The following RETREG1 variants were observed in gnomAD, a reference collection of about 807,000 sequenced individuals.
RETREG1 encodes family with sequence similarity 134 member B.
A neutral mutation model predicts 54.8 loss-of-function variants in RETREG1; 44 were observed. The ratio of observed to expected loss-of-function variants is 0.80; its 90% confidence interval spans 0.63 to 1.03. The LOEUF (loss-of-function observed/expected upper bound fraction) is 1.03. Ranked by LOEUF, RETREG1 falls within the 50% of genes least tolerant of loss-of-function variation. The pLI is 0.00. For missense variants in RETREG1, 554 were observed against 605.1 expected, an observed-to-expected ratio of 0.92 and a Z score of 0.89; for synonymous variants, 217 against 238.5, an observed-to-expected ratio of 0.91 and a Z score of 0.83.
At chr5:16,605,786 C>G (rs1743172514) in intron 1 of RETREG1, among the ~76,000 whole-genome samples, 1 of 152,168 alleles carries the variant, frequency 6.6e-6, no homozygotes, top group African/African-American at 2.4e-5. Context: ...TTGCTGTGTC[C>G]TCACATGGTG....
chr5:16,545,442 T>C (rs1016707539), intron 3 of RETREG1, among the ~76,000 whole-genome samples: 1 of 152,116 alleles, frequency 6.6e-6, no homozygotes, highest in East Asian at 1.9e-4. Context: ...TTGGTGTCCT[T>C]GTCTTTGAAA....
At chr5:16,480,842 A>C (rs1179237771) in intron 5 of RETREG1, among the ~76,000 whole-genome samples, 167 bp downstream of exon 5, 1 of 152,080 alleles carries the variant, frequency 6.6e-6, no homozygotes, top group Admixed American at 6.6e-5. Flanking sequence ...TAAAATAGAG[A>C]CATGTCTCTA....
chr5:16,481,148 G>C, intron 4 of RETREG1, 55 bp from the exon 5 acceptor site: 2 of 1,238,002 alleles, frequency 1.6e-6, no homozygotes, highest in Non-Finnish European at 2.4e-6. Context: ...AGATATTTCG[G>C]AGCACAGGAT....
chr5:16,488,350 G>A (rs1010933111), intron 3 of RETREG1, among the ~76,000 whole-genome samples: 3 of 152,202 alleles, frequency 2.0e-5, no homozygotes, highest in African/African-American at 7.2e-5. Flanking sequence ...TGATCACCCA[G>A]CTCGCTGCCT....
In RETREG1 at chr5:16,481,093, A is replaced by T. The variant is rs752124339; in HGVS notation, c.586T>A (p.Phe196Ile). The T allele has an allele frequency of 6.2e-7, 1 of 1,608,036 alleles. No homozygotes were observed. The highest frequency in any genetic ancestry group is 1.7e-5 in the Admixed American group (1 of 59,822). The change falls in exon 5 of 9, where the codon TTT becomes ATT. Residue 196 changes from phenylalanine (F) to isoleucine (I), a missense_variant and splice_region_variant. Physicochemically the swap from Phe to Ile is conservative, Grantham distance 21. Around this residue, in one of 4 missense-constraint regions of RETREG1, gnomAD observed 347 missense variants for 412.3 expected, o/e 0.84. Coordinates refer to ENST00000306320, the MANE Select transcript of RETREG1 (RefSeq NM_001034850.3). ...SLFKQQSPGK[F>I]CLLVCSVCTF... ...CACACACTACAGACCAGGAGACAAA[A>T]CTGGAAATAATAGAAATAACATGGG...
In RETREG1 at chr5:16,549,513, C is replaced by T. The variant is rs16868782; in HGVS notation, c.458+16250G>A. ...CTTGGGATAGTCCTACTTTGACCCC[C>T]TAGATCAGTTTCAGGCCTATTTCTC... On this transcript the variant is annotated intron_variant, in intron 3 of 8. Transcript: ENST00000306320. Among the ~76,000 whole-genome samples, 888 of 152,248 alleles carry T rather than the reference C, an allele frequency of 5.8e-3. 6 individuals carry two copies. The highest frequency in any genetic ancestry group is 0.021 in the African/African-American group (854 of 41,536).
intron 1 of RETREG1, among the ~76,000 whole-genome samples, chr5:16,576,849 T>C (rs1183026787): frequency 6.6e-6 from 1 of 151,046 alleles, no homozygotes. Flanking sequence ...TCTCTTAACC[T>C]TGTGATCCCC....
intron 1 of RETREG1, among the ~76,000 whole-genome samples, chr5:16,573,495 T>G (rs1392907568): frequency 2.0e-5 from 3 of 152,168 alleles, no homozygotes; most frequent in African/African-American, 7.2e-5. Flanking sequence ...ATTTAATAAA[T>G]GTTTAAGACT....
At chr5:16,591,106 G>A (rs1168589277) in intron 1 of RETREG1, among the ~76,000 whole-genome samples, 12 of 152,140 alleles carry the variant, frequency 7.9e-5, no homozygotes, top group Admixed American at 7.9e-4. Flanking sequence ...AAAATAAACC[G>A]AGGAAAAGGA....
At chr5:16,562,735 A>G (rs147191796) in intron 3 of RETREG1, among the ~76,000 whole-genome samples, 1 of 152,364 alleles carries the variant, frequency 6.6e-6, no homozygotes, top group East Asian at 1.9e-4. Flanking sequence ...ATCAATGACT[A>G]GTACACCTCA....
At chr5:16,523,666 G>A (rs577424083) in intron 3 of RETREG1, among the ~76,000 whole-genome samples, 7 of 151,954 alleles carry the variant, frequency 4.6e-5, no homozygotes, top group African/African-American at 1.5e-4. Context: ...TCCAATCCAC[G>A]CTCAAAGAGG....
intron 3 of RETREG1, among the ~76,000 whole-genome samples, chr5:16,522,796 G>A (rs1356719182): frequency 6.6e-6 from 1 of 152,146 alleles, no homozygotes; most frequent in Non-Finnish European, 1.5e-5. Flanking sequence ...CTTGAGCCCA[G>A]AAGTTCAAGA....
At chr5:16,533,672 G>C (rs2126597524) in intron 3 of RETREG1, among the ~76,000 whole-genome samples, 1 of 152,242 alleles carries the variant, frequency 6.6e-6, no homozygotes, top group Admixed American at 6.5e-5. Context: ...TGGCAAATAA[G>C]ACTGACTCTG....
chr5:16,527,800 A>ACTTTTT (rs1253453573), intron 3 of RETREG1, among the ~76,000 whole-genome samples: 1 of 66,250 alleles, frequency 1.5e-5, no homozygotes, highest in Non-Finnish European at 2.7e-5. Context: ...AGGGACTCTA[A>ACTTTTT]TTTTTTTTTT....
intron 3 of RETREG1, among the ~76,000 whole-genome samples, chr5:16,539,413 G>A (rs1313423098): frequency 2.6e-5 from 4 of 152,160 alleles, no homozygotes; most frequent in Non-Finnish European, 4.4e-5. Flanking sequence ...GAAATAAGCT[G>A]TCACCAGAGG....
intron 3 of RETREG1, among the ~76,000 whole-genome samples, chr5:16,487,100 C>T (rs185914693): frequency 5.8e-4 from 88 of 152,256 alleles, no homozygotes; most frequent in Admixed American, 1.2e-3. Flanking sequence ...CACCATGCAA[C>T]ATAAGGCCCA....
intron 3 of RETREG1, among the ~76,000 whole-genome samples, chr5:16,549,892 G>A (rs901129188): frequency 3.9e-5 from 6 of 152,256 alleles, no homozygotes; most frequent in South Asian, 2.1e-4. Context: ...TTCTGTGTTC[G>A]TGAAAATATG....
At chr5:16,592,145 C>T (rs1742792165) in intron 1 of RETREG1, among the ~76,000 whole-genome samples, 1 of 152,176 alleles carries the variant, frequency 6.6e-6, no homozygotes, top group Non-Finnish European at 1.5e-5. Context: ...CCAATCAATT[C>T]AACTACATCA....
chr5:16,484,958 A>G (rs982308287), intron 3 of RETREG1, among the ~76,000 whole-genome samples: 6 of 152,094 alleles, frequency 3.9e-5, no homozygotes, highest in Non-Finnish European at 7.4e-5. Context: ...CAGCAGGACC[A>G]TATCTGGCAC....
Sources: allele counts gnomAD v4.1 joint callset (sites outside exome capture counted in the v4.1 genomes callset), GRCh38; gene constraint gnomAD v4.1.1; regional missense constraint gnomAD v4.1.1; transcripts MANE v1.5; gene names NCBI Gene and HGNC (gene_info 2026-07-23, HGNC 2026-07-21).